Variants in NPEPL1 observed in about 807,000 individuals in gnomAD.
The protein encoded by NPEPL1 is aminopeptidase like 1.
Under a neutral mutation model 52.4 loss-of-function variants are expected in NPEPL1, and 45 were observed. The observed-to-expected ratio is 0.86, with a 90% CI of 0.68 to 1.10. The LOEUF is 1.10. Ranked by LOEUF, NPEPL1 falls within the 50% of genes least tolerant of loss-of-function variation. NPEPL1 has a pLI of 0.00. For synonymous variants in NPEPL1, 360 were observed against 314.7 expected (o/e 1.14, Z -1.52); for missense variants, 696 against 710.9 (o/e 0.98, Z 0.24).
At chr20:58,698,819 T>G in intron 4 of NPEPL1, 46 bp downstream of exon 4, 3 of 1,519,152 alleles carry the variant, frequency 2.0e-6, no homozygotes, top group Non-Finnish European at 2.7e-6. Context: ...CTGGGGTGGG[T>G]GTCATAGACT....
rs753969799 is a variant in NPEPL1 at position 58,714,620 on chromosome 20, G to A, written c.1363G>A (p.Asp455Asn). The change falls in exon 11 of 12, where the codon GAC (aspartate) becomes AAC (asparagine). Residue 455 changes from aspartate (D) to asparagine (N), a missense_variant. Transcript: ENST00000356091. ...CTTCATCGCCTCACACATCGGCTTC[G>A]ACTGGCCCGGAGTCTGGGTCCACCT... is the stretch of plus-strand genomic sequence containing the variant. ...GLFIASHIGF[D>N]WPGVWVHLDI... The A allele has an allele frequency of 4.7e-5, 75 of 1,596,732 alleles. No homozygotes were observed. Among genetic ancestry groups the A allele is most frequent in the Non-Finnish European group, 5.9e-5 (69 of 1,173,360 alleles).
intron 3 of NPEPL1, among the ~76,000 whole-genome samples, chr20:58,697,551 C>T (rs866477071): frequency 7.9e-4 from 120 of 152,222 alleles, no homozygotes; most frequent in African/African-American, 2.7e-3. Flanking sequence ...AGTATCGACC[C>T]GGCGCCTGCT....
intron 6 of NPEPL1, among the ~76,000 whole-genome samples, chr20:58,703,156 A>G (rs1051920497): frequency 3.3e-5 from 5 of 152,212 alleles, no homozygotes; most frequent in African/African-American, 9.6e-5. Context: ...CTCAGAAGGA[A>G]TGTGGGTAGT....
intron 6 of NPEPL1, among the ~76,000 whole-genome samples, chr20:58,702,297 G>T (rs114665946): frequency 0.11 from 17,134 of 152,262 alleles, 1,070 homozygotes; most frequent in African/African-American, 0.14. Flanking sequence ...GCCTGCCCCT[G>T]GTGTCACCCA....
At position 58,714,803 on chromosome 20, in the gene NPEPL1, C is replaced by A. The variant is rs541363963; in HGVS notation, c.1413+133C>A. The A allele has an allele frequency of 1.6e-4, 110 of 708,040 alleles. 1 individual carries two copies. The South Asian group carries it at 1.9e-3, about 12-fold the overall frequency. 43.9% of individuals were successfully genotyped at this position (708,040 alleles called of 1,614,324 possible). A position where few individuals can be genotyped will look rare whatever the true frequency, so the allele number is the denominator to read the frequency against. ...GTGACCCAGCTTCCAGCCCGCTGTC[C>A]CCACCACCCCCAGGTCTCATCCTCC... On this transcript the variant is annotated intron_variant, in intron 11 of 11. Transcript: ENST00000356091.
chr20:58,707,305 C>T (rs569190602), intron 7 of NPEPL1, 105 bp downstream of exon 7: 32 of 1,060,170 alleles, frequency 3.0e-5, no homozygotes, highest in South Asian at 3.0e-4. Context: ...GGGTCCTACC[C>T]GAGTCTCCCC....
Position 58,713,787 on chromosome 20 carries a change from TTTC to T in NPEPL1, c.1126-127_1126-125del, listed in dbSNP as rs1414408719. 1.0e-5 allele frequency: 12 copies of T among 1,176,536 alleles called. No individual in the cohort carries two copies. Among genetic ancestry groups the T allele is most frequent in the East Asian group, 2.8e-5 (1 of 35,098 alleles). 72.9% of individuals were successfully genotyped at this position (1,176,536 alleles called of 1,614,324 possible). A position where few individuals can be genotyped will look rare whatever the true frequency, so the allele number is the denominator to read the frequency against. ...GCCATGGTCCTTTCTGCCTGTGTTT[TTTC>T]TTTTTTTCTCAACCGTCTCTTTTCT... On this transcript the variant is annotated intron_variant, in intron 9 of 11. Coordinates refer to ENST00000356091, the MANE Select transcript of NPEPL1 (RefSeq NM_024663.4). This position sits in a 1 kb window ranked among gnomAD's most constrained non-coding sequence, Gnocchi z 4.6.
Position 58,694,551 on chromosome 20 carries a change from G to T in NPEPL1, c.466G>T (p.Val156Leu). 2 of 1,613,978 alleles carry T rather than the reference G, an allele frequency of 1.2e-6. No homozygotes were observed. Among genetic ancestry groups the T allele is most frequent in the Non-Finnish European group, 8.5e-7 (1 of 1,179,870 alleles). Reference sequence around the variant, plus strand: ...GACGGTCACCGTGGAGTTTTTCCTGGTGGGACAAGACAACGGGCCGGTGGA... The same window carrying T: ...GACGGTCACCGTGGAGTTTTTCCTGTTGGGACAAGACAACGGGCCGGTGGA... ...KKTVTVEFFL[V>L]GQDNGPVEVS... The change falls in exon 3 of 12, where the codon GTG becomes TTG. Residue 156 changes from valine (V) to leucine (L), a missense_variant. Val to Leu is a conservative substitution (Grantham distance 32, BLOSUM62 1). Transcript: ENST00000356091.
chr20:58,692,845 G>A lies in NPEPL1; in HGVS notation c.-56G>A. The A allele has an allele frequency of 2.0e-6, 2 of 988,228 alleles. No homozygotes were observed. Among genetic ancestry groups the A allele is most frequent in the Non-Finnish European group, 2.4e-6 (2 of 832,688 alleles). The allele number at this position is 988,228 out of a possible 1,614,324, so 61.2% of individuals were successfully genotyped here. On this transcript the variant is annotated 5_prime_UTR_variant, in exon 1 of 12. Transcript: ENST00000356091. This position sits in a 1 kb window ranked among gnomAD's most constrained non-coding sequence, Gnocchi z 5.7. ...GCCGGGCCGGAGCGGGGCGAAGGGG[G>A]CCGAGCGGCGGGCCGGGCCGGGCCG...
Position 58,703,663 on chromosome 20 carries a change from G to A in NPEPL1, c.822+2505G>A, listed in dbSNP as rs558999458. 2.1e-4 allele frequency: 207 copies of A among 985,308 alleles called. No individual in the cohort carries two copies. The African/African-American group carries it at 2.6e-3, about 12-fold the overall frequency. 61.0% of individuals were successfully genotyped at this position (985,308 alleles called of 1,614,324 possible). The stretch of plus-strand genomic sequence containing the variant: ...ACTCTAGTCACTTAGGGAAAATATC[G>A]TTGCACCTGACTTCATCTCATGTGG... On this transcript the variant is annotated intron_variant, in intron 6 of 11. Coordinates refer to ENST00000356091, the MANE Select transcript of NPEPL1 (RefSeq NM_024663.4).
intron 7 of NPEPL1, chr20:58,711,085 GCCTCCTCTCCTCCT>G (rs1299765725): frequency 1.1e-4 from 1 of 8,744 alleles, no homozygotes; most frequent in African/African-American, 1.0e-3. Flanking sequence ...CTCCCCCCCC[GCCTCCTCTCCTCCT>G]CCTCCTCCCC....
At position 58,713,718 on chromosome 20, in the gene NPEPL1, C is replaced by T; in HGVS notation, c.1125+175C>T. 1 of 1,102,230 alleles carries T rather than the reference C, an allele frequency of 9.1e-7. No homozygotes were observed. The highest frequency in any genetic ancestry group is 1.2e-6 in the Non-Finnish European group (1 of 807,618). 68.3% of individuals were successfully genotyped at this position (1,102,230 alleles called of 1,614,324 possible). On this transcript the variant is annotated intron_variant, in intron 9 of 11. Coordinates refer to ENST00000356091, the MANE Select transcript of NPEPL1 (RefSeq NM_024663.4). The surrounding 1 kb of genome is among the most constrained non-coding windows in gnomAD (Gnocchi z 4.6). ...GCTTGGTGTGGGCAGTACCGAGGCC[C>T]AGGCTGGATGCAGAGCCGGGAACCG...
chr20:58,701,915 C>T (rs927501252), intron 6 of NPEPL1, among the ~76,000 whole-genome samples: 8 of 152,140 alleles, frequency 5.3e-5, no homozygotes, highest in Non-Finnish European at 8.8e-5. Context: ...GAGCCCCCGT[C>T]GTGGCCGAGT....
At chr20:58,691,878 T>A, upstream of NPEPL1, 2 of 1,120,048 alleles carry the variant, frequency 1.8e-6, no homozygotes, top group Non-Finnish European at 2.7e-6. Flanking sequence ...GCTTCCCCAA[T>A]GCATCGTCAT....
At chr20:58,704,385 C>A (rs188926062) in intron 6 of NPEPL1, 1 of 985,192 alleles carries the variant, frequency 1.0e-6, no homozygotes, top group Non-Finnish European at 1.2e-6. Context: ...GACCCCTTTA[C>A]GCTCTTAACA....
chr20:58,693,117 GCCC>G, intron 1 of NPEPL1, 67 bp downstream of exon 1: 2 of 956,686 alleles, frequency 2.1e-6, no homozygotes, highest in Non-Finnish European at 2.5e-6. Context: ...GCCCGCGGAG[GCCC>G]CGCCTCGCCC....
In NPEPL1 at chr20:58,709,969, T is replaced by C. The variant is rs542126648; in HGVS notation, c.901-2510T>C. On this transcript the variant is annotated intron_variant, in intron 7 of 11. Transcript: ENST00000356091. Reference sequence around the variant, plus strand: ...CTACCCCCTGCTGCCCATTGTCCCATGGCTGGACAAGATGCTGACATTGGC... The same window carrying C: ...CTACCCCCTGCTGCCCATTGTCCCACGGCTGGACAAGATGCTGACATTGGC... Among the ~76,000 whole-genome samples, 6 of 151,586 alleles carry C rather than the reference T, an allele frequency of 4.0e-5. No homozygotes were observed. In the East Asian group the frequency reaches 9.7e-4, roughly 25 times the overall value.
At chr20:58,698,191 G>A (rs776365735) in intron 3 of NPEPL1, among the ~76,000 whole-genome samples, 1 of 152,152 alleles carries the variant, frequency 6.6e-6, no homozygotes. Flanking sequence ...GCTTGGTGGG[G>A]AGGATCTGGA....
chr20:58,691,115 GTC>G, upstream of NPEPL1: 1 of 703,270 alleles, frequency 1.4e-6, no homozygotes, highest in Non-Finnish European at 2.6e-6. Flanking sequence ...CATGGCCTTA[GTC>G]TCTCACCCTC....
Sources: gnomAD v4.1 joint callset for allele counts (sites outside exome capture counted in the v4.1 genomes callset) on GRCh38, gnomAD v4.1.1 for gene constraint, Gnocchi (gnomAD v3.1) non-coding constraint, MANE v1.5 for transcripts, NCBI Gene and HGNC (gene_info 2026-07-23, HGNC 2026-07-21) for gene names.